SKAP1: variants seen among roughly 807,000 people sequenced by gnomAD.
SKAP1 encodes the protein src kinase-associated phosphoprotein 1.
A neutral mutation model predicts 58.5 loss-of-function variants in SKAP1; 44 were observed. That is an observed-to-expected ratio of 0.75 (90% confidence interval 0.59 to 0.97). SKAP1 has a LOEUF of 0.97. Among genes scored for constraint, SKAP1 ranks in the 50% least tolerant of loss-of-function variants. The probability of loss-of-function intolerance (pLI) is 0.00; values close to 1 mark genes in which losing one functional copy is unlikely to be tolerated. For synonymous variants in SKAP1, 127 were observed against 149.7 expected, an observed-to-expected ratio of 0.85 and a Z score of 1.11; for missense variants, 390 against 435.2, an observed-to-expected ratio of 0.90 and a Z score of 0.92.
At chr17:48,404,394 G>C (rs1450936147) in intron 1 of SKAP1, among the ~76,000 whole-genome samples, 2 of 152,182 alleles carry the variant, frequency 1.3e-5, no homozygotes, top group Non-Finnish European at 2.9e-5. Context: ...GGAGGTTGCA[G>C]TGAGCTAAGA....
chr17:48,442,862 T>C, the SKAP1 span, among the ~76,000 whole-genome samples: 4 of 152,170 alleles, frequency 2.6e-5, no homozygotes, highest in Non-Finnish European at 5.9e-5. Flanking sequence ...CCATGCCTCT[T>C]TCCTAATTAA....
At chr17:48,224,497 T>C (rs2065045574) in intron 4 of SKAP1, among the ~76,000 whole-genome samples, 1 of 152,216 alleles carries the variant, frequency 6.6e-6, no homozygotes, top group African/African-American at 2.4e-5. Flanking sequence ...GAAGATGATT[T>C]AAATATAGTT....
At chr17:48,299,819 GT>G (rs2066034437) in intron 4 of SKAP1, among the ~76,000 whole-genome samples, 2 of 152,134 alleles carry the variant, frequency 1.3e-5, no homozygotes, top group Non-Finnish European at 2.9e-5. Context: ...AGAAGAGGGA[GT>G]TTGAGCATGG....
intron 4 of SKAP1, among the ~76,000 whole-genome samples, chr17:48,211,076 T>C (rs1467858739): frequency 6.6e-6 from 1 of 151,708 alleles, no homozygotes; most frequent in Non-Finnish European, 1.5e-5. Flanking sequence ...TGAAAAAGAG[T>C]TTTGCATCTT....
intron 1 of SKAP1, among the ~76,000 whole-genome samples, chr17:48,402,103 G>A (rs1183796075): frequency 6.6e-6 from 1 of 152,100 alleles, no homozygotes; most frequent in Non-Finnish European, 1.5e-5. Context: ...ATGGTTACAG[G>A]CGAAAAGAAC....
chr17:48,276,271 A>T (rs2065699771), intron 4 of SKAP1, among the ~76,000 whole-genome samples: 1 of 151,826 alleles, frequency 6.6e-6, no homozygotes, highest in Non-Finnish European at 1.5e-5. Flanking sequence ...TACTTTCTTT[A>T]TTTGGTTAAA....
intron 4 of SKAP1, among the ~76,000 whole-genome samples, chr17:48,239,168 AT>A (rs1159294264): frequency 6.6e-6 from 1 of 152,240 alleles, no homozygotes; most frequent in Non-Finnish European, 1.5e-5. Flanking sequence ...ACAGAAATGA[AT>A]TTAACACAAT....
chr17:48,247,967 C>T (rs1247630917), intron 4 of SKAP1, among the ~76,000 whole-genome samples: 1 of 152,106 alleles, frequency 6.6e-6, no homozygotes. Context: ...GAATGTAAAA[C>T]TCCTCAAGTT....
Position 48,162,507 on chromosome 17 carries a change from A to G in SKAP1, c.940T>C (p.Ser314Pro). The change falls in exon 11 of 13, where the codon TCC becomes CCC. Residue 314 changes from serine (S) to proline (P), a missense_variant. Coordinates refer to ENST00000336915, the MANE Select transcript of SKAP1 (RefSeq NM_003726.4). ...DCHGDQPDEL[S>P]FQRGDLIRIL... is the part of the protein sequence containing the mutation. Reference sequence around the variant, plus strand: ...CGGATGAGGTCACCCCGTTGGAAGGACAGTTCATCTGGCTGGTCACCATGG... The same window carrying G: ...CGGATGAGGTCACCCCGTTGGAAGGGCAGTTCATCTGGCTGGTCACCATGG... 1 of 1,614,108 alleles carries G rather than the reference A, an allele frequency of 6.2e-7. No homozygotes were observed. The highest frequency in any genetic ancestry group is 8.5e-7 in the Non-Finnish European group (1 of 1,179,980).
intron 11 of SKAP1, among the ~76,000 whole-genome samples, chr17:48,158,032 C>G (rs1374568988): frequency 1.3e-5 from 2 of 151,068 alleles, no homozygotes; most frequent in East Asian, 2.0e-4. Context: ...ACAAAATTAG[C>G]TGGGCATGGG....
chr17:48,148,693 G>A (rs1382984342), intron 11 of SKAP1, among the ~76,000 whole-genome samples: 1 of 152,164 alleles, frequency 6.6e-6, no homozygotes, highest in Non-Finnish European at 1.5e-5. Flanking sequence ...TGCACTTCAA[G>A]GGCCATTGCT....
rs539773753 is a variant in SKAP1 at position 48,342,901 on chromosome 17, C to T, written c.280+3004G>A. On this transcript the variant is annotated intron_variant, in intron 4 of 12. Coordinates refer to ENST00000336915, the MANE Select transcript of SKAP1 (RefSeq NM_003726.4). ...TTGGGAGGCTGAGGCAGGAGAATGG[C>T]GTGAACCCAGGAGGCAGAGTTTGCA... Among the ~76,000 whole-genome samples, 244 of 152,150 alleles carry T rather than the reference C, an allele frequency of 1.6e-3. 1 individual carries two copies. The highest frequency in any genetic ancestry group is 3.5e-3 in the Admixed American group (54 of 15,282).
At chr17:48,170,681 AT>A in intron 9 of SKAP1, 22 bp from the exon 10 acceptor site, 1 of 1,580,054 alleles carries the variant, frequency 6.3e-7, no homozygotes, top group Non-Finnish European at 8.7e-7. Context: ...AATGATCAGT[AT>A]TAGCAATTAG....
At chr17:48,423,890 G>A (rs1428891479) in intron 1 of SKAP1, among the ~76,000 whole-genome samples, 1 of 152,044 alleles carries the variant, frequency 6.6e-6, no homozygotes, top group African/African-American at 2.4e-5. Context: ...TCAAAGGGTT[G>A]GGATTATAGG....
intron 2 of SKAP1, among the ~76,000 whole-genome samples, chr17:48,379,606 A>G (rs2067189648): frequency 6.6e-6 from 1 of 152,112 alleles, no homozygotes; most frequent in Non-Finnish European, 1.5e-5. Context: ...CATTTTACTT[A>G]ATCCAGATTA....
At position 48,184,791 on chromosome 17, in the gene SKAP1, G is replaced by C. The variant is rs771265934; in HGVS notation, c.499C>G (p.His167Asp). ...IKGYGVRMAP[H>D]LRRDSKKESC... ...TCTTTCTTGGAATCTCTTCGCAGGT[G>C]GGGGGCCATCCGTACACCGTAGCCC... Residue 167 changes from histidine to aspartate, a missense_variant, in exon 7 of 13, where the codon CAC becomes GAC. Coordinates refer to ENST00000336915, the MANE Select transcript of SKAP1 (RefSeq NM_003726.4). 14 of 1,613,806 alleles carry C rather than the reference G, an allele frequency of 8.7e-6. No individual in the cohort carries two copies. The highest frequency in any genetic ancestry group is 1.3e-5 in the African/African-American group (1 of 75,026).
chr17:48,412,029 C>T (rs2144584434), intron 1 of SKAP1, among the ~76,000 whole-genome samples: 1 of 152,190 alleles, frequency 6.6e-6, no homozygotes, highest in African/African-American at 2.4e-5. Context: ...AACAGAAGTA[C>T]AATACTAATC....
At chr17:48,321,900 T>C (rs1226791383) in intron 4 of SKAP1, among the ~76,000 whole-genome samples, 1 of 152,196 alleles carries the variant, frequency 6.6e-6, no homozygotes, top group Non-Finnish European at 1.5e-5. Flanking sequence ...AAAATAAAGG[T>C]TGAACATAAT....
At chr17:48,352,477 C>T (rs776784059) in intron 3 of SKAP1, among the ~76,000 whole-genome samples, 28 of 152,076 alleles carry the variant, frequency 1.8e-4, no homozygotes, top group Non-Finnish European at 3.2e-4. Context: ...CATATGGCAA[C>T]CAGGCAATCA....
Sources: gnomAD v4.1 joint callset for allele counts (sites outside exome capture counted in the v4.1 genomes callset) on GRCh38, gnomAD v4.1.1 for gene constraint, MANE v1.5 for transcripts, NCBI Gene and HGNC (gene_info 2026-07-23, HGNC 2026-07-21) for gene names.